Variants in KLHL25 observed in about 807,000 individuals in gnomAD.
KLHL25 encodes kelch-like protein 25.
Under a neutral mutation model 30.0 loss-of-function variants are expected in KLHL25, and 41 were observed. That is an observed-to-expected ratio of 1.37 (90% CI 1.07 to 1.78). KLHL25 has a LOEUF of 1.78. KLHL25 is among the 40% of genes most tolerant of loss of function. The probability of loss-of-function intolerance (pLI) is 0.00; values close to 1 mark genes in which losing one functional copy is unlikely to be tolerated. For synonymous variants in KLHL25, 399 were observed against 355.3 expected, an observed-to-expected ratio of 1.12 and a Z score of -1.38; for missense variants, 971 against 824.5, an observed-to-expected ratio of 1.18 and a Z score of -2.18.
chr15:85,784,711 C>CG (rs1052688014), intron 1 of KLHL25, among the ~76,000 whole-genome samples: 10 of 152,056 alleles, frequency 6.6e-5, no homozygotes, highest in African/African-American at 2.2e-4. Flanking sequence ...CTCAGTCCTA[C>CG]GACCATAAGG....
At position 85,789,202 on chromosome 15, in the gene KLHL25, TC is replaced by T. The variant is rs1372666934; in HGVS notation, c.-11+5563del. On this transcript the variant is annotated intron_variant, in intron 1 of 2. Transcript: ENST00000337975. The surrounding 1 kb of genome is among the most constrained non-coding windows in gnomAD (Gnocchi z 4.1). ...CACCACTCGGCTGATGGTGGAAGGC[TC>T]CTCCTGGCAGAGATGGGTGGGGAGT... 5.9e-5 allele frequency among the ~76,000 whole-genome samples: 9 copies of T among 152,160 alleles called. No individual in the cohort carries two copies. Among genetic ancestry groups the T allele is most frequent in the Non-Finnish European group, 1.0e-4 (7 of 68,024 alleles).
At chr15:85,781,009 C>A (rs1439391395) in intron 1 of KLHL25, among the ~76,000 whole-genome samples, 2 of 151,946 alleles carry the variant, frequency 1.3e-5, no homozygotes, top group Admixed American at 1.3e-4. Context: ...GGTACACGCA[C>A]AGAGTGGAGT....
intron 1 of KLHL25, among the ~76,000 whole-genome samples, chr15:85,774,222 GA>G (rs1222289440): frequency 2.6e-5 from 4 of 152,148 alleles, no homozygotes; most frequent in Non-Finnish European, 5.9e-5. Context: ...ACATATCACA[GA>G]ATTGTTCTCA....
intron 1 of KLHL25, among the ~76,000 whole-genome samples, chr15:85,784,349 T>G (rs1289187023): frequency 1.3e-5 from 2 of 152,032 alleles, no homozygotes; most frequent in Non-Finnish European, 2.9e-5. Context: ...GCCAACATGA[T>G]GAAACCCCGG....
At chr15:85,791,618 G>A (rs377209193) in intron 1 of KLHL25, among the ~76,000 whole-genome samples, 1 of 152,130 alleles carries the variant, frequency 6.6e-6, no homozygotes, top group Non-Finnish European at 1.5e-5. Flanking sequence ...AGAGAGGTAG[G>A]GGGCGGGGGT....
At chr15:85,791,874 C>A (rs201080472) in intron 1 of KLHL25, among the ~76,000 whole-genome samples, 2 of 152,218 alleles carry the variant, frequency 1.3e-5, no homozygotes, top group East Asian at 3.9e-4. Context: ...AGACCCACAG[C>A]ATTTGAACCC....
intron 1 of KLHL25, chr15:85,770,409 G>A (rs750235158): frequency 1.1e-4 from 56 of 490,972 alleles, no homozygotes; most frequent in South Asian, 2.2e-4. Flanking sequence ...AGAGCCTCAC[G>A]TACCCACTTC....
chr15:85,782,830 A>T (rs1344278407), intron 1 of KLHL25, among the ~76,000 whole-genome samples: 1 of 152,166 alleles, frequency 6.6e-6, no homozygotes. Flanking sequence ...ACTGCTGGAC[A>T]GCACTGTTCA....
chr15:85,769,886 C>G (rs777932602), intron 1 of KLHL25, 66 bp from the exon 2 acceptor site: 17 of 1,303,768 alleles, frequency 1.3e-5, no homozygotes, highest in Non-Finnish European at 1.8e-5. Context: ...TCAGGGCTCA[C>G]TCTTCAGCAC....
At chr15:85,780,107 C>T (rs1041042490) in intron 1 of KLHL25, among the ~76,000 whole-genome samples, 1 of 152,210 alleles carries the variant, frequency 6.6e-6, no homozygotes, top group Non-Finnish European at 1.5e-5. Flanking sequence ...TGCCGCCTGG[C>T]TTCTACCTGC....
Position 85,768,896 on chromosome 15 carries a change from G to C in KLHL25, c.915C>G (p.Phe305Leu). ...HTLLILGGQT[F>L]MCDKIYQVDH... ...CCACCTGGTAGATCTTGTCACACAT[G>C]AAGGTCTGGCCCCCCAGGATGAGTA... The change falls in exon 2 of 3, where the codon TTC (phenylalanine) becomes TTG (leucine). Residue 305 changes from phenylalanine to leucine, a missense_variant. Phe to Leu is a conservative substitution (Grantham distance 22). Coordinates refer to ENST00000337975, the MANE Select transcript of KLHL25 (RefSeq NM_022480.4). 3.7e-6 allele frequency: 6 copies of C among 1,613,360 alleles called. No individual in the cohort carries two copies. Among genetic ancestry groups the C allele is most frequent in the Non-Finnish European group, 5.1e-6 (6 of 1,180,052 alleles).
At chr15:85,781,507 T>C (rs977491411) in intron 1 of KLHL25, among the ~76,000 whole-genome samples, 1 of 151,842 alleles carries the variant, frequency 6.6e-6, no homozygotes, top group Non-Finnish European at 1.5e-5. Flanking sequence ...TGAGACAAAG[T>C]TTCGTTCTTT....
intron 1 of KLHL25, among the ~76,000 whole-genome samples, chr15:85,775,443 G>A (rs1446779667): frequency 6.6e-6 from 1 of 152,094 alleles, no homozygotes; most frequent in African/African-American, 2.4e-5. Context: ...CCCAAGACAC[G>A]GCCCTTCCTG....
chr15:85,761,908 T>C (rs2089585964), intron 2 of KLHL25: 1 of 152,264 alleles, frequency 6.6e-6, no homozygotes, highest in South Asian at 2.1e-4. Context: ...AGGGGCTTTC[T>C]AGTTGTATGC....
chr15:85,767,951 A>T lies in KLHL25; in HGVS notation c.*24+66T>A, dbSNP rs1185483955. 1.9e-5 allele frequency: 19 copies of T among 1,026,252 alleles called. No homozygotes were observed. The Admixed American group carries it at 2.3e-4, about 12-fold the overall frequency. 63.6% of individuals were successfully genotyped at this position (1,026,252 alleles called of 1,614,324 possible). On this transcript the variant is annotated intron_variant, in intron 2 of 2. Transcript: ENST00000337975. The stretch of plus-strand genomic sequence containing the variant: ...ACGGTGACCTTCACCCAGTGGGAAG[A>T]GGTGGGACTGCATTCCCCCATGACC...
In KLHL25 at chr15:85,768,809, G is replaced by A. The variant is rs201425147; in HGVS notation, c.1002C>T (p.Ser334=). The stretch of plus-strand genomic sequence containing the variant: ...AGACCTTGCAGCCGATCGCTGAGGC[G>A]CTGAACTCCTTCCGGGGGCTGGGCA... ...ADLPSPRKEF[S]ASAIGCKVYV... is the part of the protein sequence containing the mutation. Residue 334 remains serine (S), a synonymous_variant, in exon 2 of 3, where the codon AGC becomes AGT. Coordinates refer to ENST00000337975, the MANE Select transcript of KLHL25 (RefSeq NM_022480.4). 2.2e-5 allele frequency: 35 copies of A among 1,613,314 alleles called. No individual in the cohort carries two copies. Among genetic ancestry groups the A allele is most frequent in the South Asian group, 1.6e-4 (15 of 91,088 alleles).
At chr15:85,793,656 G>T (rs2937936) in intron 1 of KLHL25, among the ~76,000 whole-genome samples, 47,254 of 151,966 alleles carry the variant, frequency 0.31, 7,722 homozygotes, top group South Asian at 0.44. Context: ...CCAGGATACA[G>T]ACCGTGGAAT....
intron 1 of KLHL25, among the ~76,000 whole-genome samples, chr15:85,785,970 C>CT (rs1279689443): frequency 7.0e-6 from 1 of 143,664 alleles, no homozygotes; most frequent in Non-Finnish European, 1.5e-5. Context: ...ACCCACCCCC[C>CT]CGCCCCAGGA....
intron 1 of KLHL25, among the ~76,000 whole-genome samples, chr15:85,790,732 C>T (rs973997845): frequency 1.3e-5 from 2 of 152,022 alleles, no homozygotes; most frequent in Non-Finnish European, 2.9e-5. Context: ...GCCTTGGTCA[C>T]GCTGAAACAA....
Sources: allele counts gnomAD v4.1 joint callset (sites outside exome capture counted in the v4.1 genomes callset), GRCh38; gene constraint gnomAD v4.1.1; non-coding constraint Gnocchi (gnomAD v3.1); transcripts MANE v1.5; gene names NCBI Gene and HGNC (gene_info 2026-07-23, HGNC 2026-07-21).